ARL1: variants seen among roughly 807,000 people sequenced by gnomAD.
ARL1 encodes ADP-ribosylation factor-like protein 1.
Under a neutral mutation model 30.1 loss-of-function variants are expected in ARL1, and 17 were observed. That is an observed-to-expected ratio of 0.56 (90% confidence interval 0.39 to 0.85). ARL1 has a LOEUF of 0.85. Ranked by LOEUF, ARL1 falls within the 40% of genes least tolerant of loss-of-function variation. The probability of loss-of-function intolerance (pLI) is 0.00; values close to 1 mark genes in which losing one functional copy is unlikely to be tolerated. For missense variants in ARL1, 102 were observed against 212.6 expected (o/e 0.48, Z 3.24); for synonymous variants, 58 against 71.7 (o/e 0.81, Z 0.97).
intron 4 of ARL1, among the ~76,000 whole-genome samples, chr12:101,399,488 G>T (rs1871242571): frequency 7.1e-6 from 1 of 141,302 alleles, no homozygotes; most frequent in African/African-American, 2.7e-5. Flanking sequence ...TCCAGCCTGG[G>T]CGACAGAGCA....
At position 101,393,359 on chromosome 12, in the gene ARL1, T is replaced by C. The variant is rs189620636; in HGVS notation, c.*2281A>G. ...ACACAACACAATCATAGGCCAGAGTTATAAAATACAATGTTAGAAAGAAAC... is the reference window on the plus strand; with the variant it reads ...ACACAACACAATCATAGGCCAGAGTCATAAAATACAATGTTAGAAAGAAAC... On this transcript the variant is annotated 3_prime_UTR_variant, in exon 6 of 6. Coordinates refer to ENST00000261636, the MANE Select transcript of ARL1 (RefSeq NM_001177.6). 34 of 152,234 alleles carry C rather than the reference T, an allele frequency of 2.2e-4. No homozygotes were observed. Among genetic ancestry groups the C allele is most frequent in the African/African-American group, 7.9e-4 (33 of 41,552 alleles). The allele number at this position is 152,234 out of a possible 1,614,324, so 9.4% of individuals were successfully genotyped here.
chr12:101,399,509 T>TATAAA (rs1871244717), intron 4 of ARL1, among the ~76,000 whole-genome samples: 1 of 110,546 alleles, frequency 9.0e-6, no homozygotes, highest in African/African-American at 4.5e-5. Context: ...AGACTCTGTC[T>TATAAA]AAAAAAAAAA....
rs533573843 is a variant in ARL1, at chr12:101,393,888, T to C, written c.*1752A>G. 11 of 152,090 alleles carry C rather than the reference T, an allele frequency of 7.2e-5. No homozygotes were observed. The East Asian group carries it at 9.6e-4, about 13-fold the overall frequency. 9.4% of individuals were successfully genotyped at this position (152,090 alleles called of 1,614,324 possible). Reference sequence around the variant, plus strand: ...GACCAGGAGTGAACTCAAGTATAAATTGCAAAGGGCTACTTGTCAAGATGA... The same window carrying C: ...GACCAGGAGTGAACTCAAGTATAAACTGCAAAGGGCTACTTGTCAAGATGA... On this transcript the variant is annotated 3_prime_UTR_variant, in exon 6 of 6. Coordinates refer to ENST00000261636, the MANE Select transcript of ARL1 (RefSeq NM_001177.6).
chr12:101,399,919 A>C (rs1161337228), intron 4 of ARL1, among the ~76,000 whole-genome samples: 2 of 151,954 alleles, frequency 1.3e-5, no homozygotes, highest in South Asian at 2.1e-4. Context: ...GTAAACAAAT[A>C]TATTTTTTTT....
At position 101,405,832 on chromosome 12, in the gene ARL1, A is replaced by G; in HGVS notation, c.142+12T>C. On this transcript the variant is annotated intron_variant, in intron 2 of 5. Transcript: ENST00000261636. ...AAAGTCCCTACAATTAGCTCATCATACCAACACTTACTAGGTATAGTAGTA... is the reference window on the plus strand; with the variant it reads ...AAAGTCCCTACAATTAGCTCATCATGCCAACACTTACTAGGTATAGTAGTA... The G allele has an allele frequency of 6.5e-7, 1 of 1,545,586 alleles. No homozygotes were observed. The highest frequency in any genetic ancestry group is 8.7e-7 in the Non-Finnish European group (1 of 1,146,620).
chr12:101,398,903 C>T (rs1871226459), intron 4 of ARL1, among the ~76,000 whole-genome samples: 1 of 152,166 alleles, frequency 6.6e-6, no homozygotes, highest in Non-Finnish European at 1.5e-5. Context: ...CTGCAAGTAA[C>T]AACAATCCTG....
Position 101,395,576 on chromosome 12 carries a change from T to A in ARL1, c.*64A>T. On this transcript the variant is annotated 3_prime_UTR_variant, in exon 6 of 6. Coordinates refer to ENST00000261636, the MANE Select transcript of ARL1 (RefSeq NM_001177.6). ...TAACATCTAGTAGTGTGAAGTACAC[T>A]TGACTGTTTCCAAAGGGAGAGAGGT... 1 of 1,342,072 alleles carries A rather than the reference T, an allele frequency of 7.5e-7. No individual in the cohort carries two copies. Among genetic ancestry groups the A allele is most frequent in the South Asian group, 1.3e-5 (1 of 79,506 alleles). 83.1% of individuals were successfully genotyped at this position (1,342,072 alleles called of 1,614,324 possible).
At chr12:101,401,768 A>C (rs529444066) in intron 3 of ARL1, among the ~76,000 whole-genome samples, 59 of 152,088 alleles carry the variant, frequency 3.9e-4, no homozygotes, top group African/African-American at 1.3e-3. Flanking sequence ...CACTAAATAT[A>C]CTGATAGAAA....
chr12:101,406,284 A>C lies in ARL1; in HGVS notation c.5-303T>G, dbSNP rs182396467. On this transcript the variant is annotated intron_variant, in intron 1 of 5. Transcript: ENST00000261636. Reference sequence around the variant, plus strand: ...TCATTTTCTAATCAGCAGAATAGGAATATTTTAGCATGATCCCCTCACTAC... The same window carrying C: ...TCATTTTCTAATCAGCAGAATAGGACTATTTTAGCATGATCCCCTCACTAC... Among the ~76,000 whole-genome samples, 90 of 152,292 alleles carry C rather than the reference A, an allele frequency of 5.9e-4. No homozygotes were observed. In the East Asian group the frequency reaches 0.014, roughly 24 times the overall value.
In ARL1 at chr12:101,395,522, G is replaced by T; in HGVS notation, c.*118C>A. ...CTATTTACTACAAATATTGCAGTCA[G>T]TCAGTATATGCCAATAATCATATAG... On this transcript the variant is annotated 3_prime_UTR_variant, in exon 6 of 6. Coordinates refer to ENST00000261636, the MANE Select transcript of ARL1 (RefSeq NM_001177.6). 2 of 745,290 alleles carry T rather than the reference G, an allele frequency of 2.7e-6. No homozygotes were observed. Among genetic ancestry groups the T allele is most frequent in the Non-Finnish European group, 4.3e-6 (2 of 460,348 alleles). 46.2% of individuals were successfully genotyped at this position (745,290 alleles called of 1,614,324 possible).
In ARL1 at chr12:101,400,701, C is replaced by A. The variant is rs567676403; in HGVS notation, c.336+361G>T. On this transcript the variant is annotated intron_variant, in intron 4 of 5. Transcript: ENST00000261636. ...CGTGAGGCCAGCATTGTGCCAGTAA[C>A]CCAGAAATACATATTTCTCTGAACT... is the stretch of plus-strand genomic sequence containing the variant. Among the ~76,000 whole-genome samples the A allele has an allele frequency of 3.3e-5, 5 of 152,224 alleles. No homozygotes were observed. The East Asian group carries it at 9.7e-4, about 29-fold the overall frequency.
chr12:101,401,860 C>A (rs1394492307), intron 3 of ARL1, among the ~76,000 whole-genome samples: 1 of 151,816 alleles, frequency 6.6e-6, no homozygotes, highest in Non-Finnish European at 1.5e-5. Flanking sequence ...ACTTTTTAAA[C>A]GTGATTTTAT....
Position 101,405,927 on chromosome 12 carries a change from AT to A in ARL1, c.58del (p.Ile20PhefsTer2). ...TGCTCCATCTAATCCCAAAATTAAA[AT>A]TCTCATTTCCCGAGTTCCAAACAGA... ...SSLFGTREMRILILGLDGAGK... is the reference protein window; with the variant it reads ...SSLFGTREMRXLILGLDGAGK... On this transcript the variant is annotated frameshift_variant, in exon 2 of 6. Coordinates refer to ENST00000261636, the MANE Select transcript of ARL1 (RefSeq NM_001177.6). LOFTEE classifies it high-confidence loss of function. 1 of 1,569,970 alleles carries A rather than the reference AT, an allele frequency of 6.4e-7. No homozygotes were observed.
chr12:101,401,687 A>AGGACC (rs1871309975), intron 3 of ARL1, among the ~76,000 whole-genome samples: 1 of 151,154 alleles, frequency 6.6e-6, no homozygotes. Context: ...ATTGACTCAC[A>AGGACC]GGACCAGGGA....
chr12:101,400,116 G>C (rs568875200), intron 4 of ARL1, among the ~76,000 whole-genome samples: 8 of 152,162 alleles, frequency 5.3e-5, no homozygotes, highest in African/African-American at 1.7e-4. Context: ...TTTCAGTAGA[G>C]ATGAGGTTTC....
At chr12:101,398,384 G>A (rs1871210054) in intron 4 of ARL1, among the ~76,000 whole-genome samples, 1 of 148,088 alleles carries the variant, frequency 6.8e-6, no homozygotes, top group South Asian at 2.1e-4. Context: ...CAACAATAGT[G>A]AAACTCCGTC....
intron 1 of ARL1, 50 bp from the exon 2 acceptor site, chr12:101,406,031 G>C: frequency 7.7e-6 from 11 of 1,433,378 alleles, no homozygotes; most frequent in Non-Finnish European, 1.0e-5. Flanking sequence ...TTGTGAACTA[G>C]GTATACAAAA....
chr12:101,397,545 C>A (rs1177260581), intron 4 of ARL1, among the ~76,000 whole-genome samples: 1 of 151,360 alleles, frequency 6.6e-6, no homozygotes. Context: ...GTTGCTCAGG[C>A]TGAAGTTGCA....
At chr12:101,398,273 G>A (rs1203910363) in intron 4 of ARL1, among the ~76,000 whole-genome samples, 4 of 151,500 alleles carry the variant, frequency 2.6e-5, no homozygotes, top group African/African-American at 9.7e-5. Context: ...GTGTGCGCTT[G>A]CAATCCCAGC....
Sources: gnomAD v4.1 joint callset for allele counts (sites outside exome capture counted in the v4.1 genomes callset) on GRCh38, gnomAD v4.1.1 for gene constraint, MANE v1.5 for transcripts, NCBI Gene and HGNC (gene_info 2026-07-23, HGNC 2026-07-21) for gene names.